CCDC171: variants seen among roughly 807,000 people sequenced by gnomAD.
CCDC171 encodes coiled-coil domain containing 171, also known as coiled-coil domain-containing protein 171.
A neutral mutation model predicts 168.2 loss-of-function variants in CCDC171; 177 were observed. The ratio of observed to expected loss-of-function variants is 1.05; its 90% CI spans 0.93 to 1.19. The LOEUF is 1.19. CCDC171 is among the 50% of genes most tolerant of loss of function. The probability of loss-of-function intolerance (pLI) is 0.00; values close to 1 mark genes in which losing one functional copy is unlikely to be tolerated. For missense variants in CCDC171, 1,991 were observed against 1,539.0 expected, an observed-to-expected ratio of 1.29 and a Z score of -4.91; for synonymous variants, 687 against 540.8, an observed-to-expected ratio of 1.27 and a Z score of -3.75.
At chr9:15,913,945 C>T (rs2131880254) in intron 24 of CCDC171, among the ~76,000 whole-genome samples, 1 of 152,298 alleles carries the variant, frequency 6.6e-6, no homozygotes, top group Non-Finnish European at 1.5e-5. Flanking sequence ...CACTCCAGAC[C>T]CTGTTTGCCT....
At chr9:15,684,016 C>G (rs2050214651) in intron 10 of CCDC171, among the ~76,000 whole-genome samples, 1 of 151,986 alleles carries the variant, frequency 6.6e-6, no homozygotes, top group Non-Finnish European at 1.5e-5. Context: ...GACTAGCTAT[C>G]ATTAATATGA....
intron 2 of CCDC171, among the ~76,000 whole-genome samples, chr9:15,565,084 C>G (rs546294351): frequency 5.2e-5 from 7 of 135,764 alleles, no homozygotes; most frequent in Admixed American, 1.6e-4. Context: ...ACCCACCCCC[C>G]ACTTTTTTTT....
the CCDC171 span, among the ~76,000 whole-genome samples, chr9:16,090,529 A>T: frequency 5.9e-5 from 9 of 152,230 alleles, no homozygotes; most frequent in African/African-American, 2.2e-4. Flanking sequence ...ACAAACCTGC[A>T]CGTTCTGCAT....
At chr9:15,785,978 A>G (rs150307887) in intron 21 of CCDC171, among the ~76,000 whole-genome samples, 1,542 of 152,172 alleles carry the variant, frequency 0.01, 14 homozygotes, top group Admixed American at 0.015. Flanking sequence ...TTTCAGGAAA[A>G]TTAGAAAATT....
chr9:15,664,464 G>A (rs1050278304), intron 8 of CCDC171, among the ~76,000 whole-genome samples: 19 of 151,608 alleles, frequency 1.3e-4, no homozygotes, highest in East Asian at 3.9e-4. Context: ...TCCCAGGCTG[G>A]TCTCAATCTC....
Position 15,571,763 on chromosome 9 carries a change from C to G in CCDC171, c.177+4C>G. The G allele has an allele frequency of 6.4e-7, 1 of 1,562,178 alleles. No individual in the cohort carries two copies. Among genetic ancestry groups the G allele is most frequent in the Non-Finnish European group, 8.6e-7 (1 of 1,164,984 alleles). ...AACAACCAAACACAATGCAGAGGTACGATTTATTTTCCTCTCAAATAATGT... is the reference window on the plus strand; with the variant it reads ...AACAACCAAACACAATGCAGAGGTAGGATTTATTTTCCTCTCAAATAATGT... On this transcript the variant is annotated splice_donor_region_variant and intron_variant, in intron 3 of 25. Transcript: ENST00000380701.
At chr9:15,867,627 A>C (rs2131101040) in intron 23 of CCDC171, among the ~76,000 whole-genome samples, 1 of 152,184 alleles carries the variant, frequency 6.6e-6, no homozygotes, top group East Asian at 1.9e-4. Flanking sequence ...TGACCTAGCC[A>C]AGCTAAAAAT....
rs185480298 is a variant in CCDC171 at position 15,753,044 on chromosome 9, A to T, written c.2671+7413A>T. ...CTGTGTTATGTATATATTCTAGGAG[A>T]TAAAATAAAAATGTGTGAATTGGTC... is the stretch of plus-strand genomic sequence containing the variant. On this transcript the variant is annotated intron_variant, in intron 18 of 25. Transcript: ENST00000380701. Among the ~76,000 whole-genome samples the T allele has an allele frequency of 4.5e-4, 68 of 152,120 alleles. 1 individual carries two copies. In the East Asian group the frequency reaches 0.011, roughly 25 times the overall value.
At chr9:15,971,458 T>C (rs1831347186) in intron 25 of CCDC171, 151 bp from the exon 26 acceptor site, 2 of 563,644 alleles carry the variant, frequency 3.5e-6, no homozygotes, top group Admixed American at 6.4e-5. Flanking sequence ...ATTTACTATT[T>C]ATATATTCTC....
chr9:15,627,331 G>A (rs755733025), intron 7 of CCDC171, among the ~76,000 whole-genome samples: 10 of 151,746 alleles, frequency 6.6e-5, no homozygotes, highest in Non-Finnish European at 1.2e-4. Context: ...GTTCTGCTCT[G>A]TTCTTAATTT....
intron 1 of CCDC171, among the ~76,000 whole-genome samples, chr9:16,052,887 G>C (rs537798786): frequency 6.6e-6 from 1 of 151,452 alleles, no homozygotes; most frequent in Non-Finnish European, 1.5e-5. Flanking sequence ...CGGAATGTGA[G>C]TCTTTCCAGA....
intron 18 of CCDC171, among the ~76,000 whole-genome samples, chr9:15,768,871 A>G (rs141484440): frequency 9.2e-5 from 14 of 152,292 alleles, no homozygotes; most frequent in Admixed American, 2.0e-4. Flanking sequence ...CTTCATCCGC[A>G]GTATCAGCAG....
chr9:15,635,273 G>A (rs2046114555), intron 7 of CCDC171, among the ~76,000 whole-genome samples: 2 of 152,126 alleles, frequency 1.3e-5, no homozygotes, highest in African/African-American at 2.4e-5. Flanking sequence ...GAAGGCCTGA[G>A]AGCCCCTTTT....
chr9:16,011,922 C>A (rs7031840), intron 3 of CCDC171, among the ~76,000 whole-genome samples: 2 of 151,898 alleles, frequency 1.3e-5, no homozygotes, highest in African/African-American at 4.8e-5. Flanking sequence ...ACTTTGTCAC[C>A]GATACTGGGA....
At chr9:15,752,576 G>A (rs747103570) in intron 18 of CCDC171, among the ~76,000 whole-genome samples, 6 of 152,186 alleles carry the variant, frequency 3.9e-5, no homozygotes, top group African/African-American at 9.7e-5. Context: ...AAAAGGATGA[G>A]TTCATGTCCT....
chr9:15,911,596 G>A (rs149887707), intron 24 of CCDC171, among the ~76,000 whole-genome samples: 14,174 of 152,052 alleles, frequency 0.093, 1,658 homozygotes, highest in African/African-American at 0.27. Context: ...GTTGCTTTTG[G>A]TGTTTTAGTC....
downstream of CCDC171, among the ~76,000 whole-genome samples, chr9:15,978,297 T>A (rs1387395749): frequency 6.6e-6 from 1 of 152,196 alleles, no homozygotes; most frequent in African/African-American, 2.4e-5. Context: ...GAGTTCTCAT[T>A]CACAGTCACA....
intron 24 of CCDC171, among the ~76,000 whole-genome samples, chr9:15,891,729 A>G (rs1034904574): frequency 2.6e-5 from 4 of 152,216 alleles, no homozygotes; most frequent in Non-Finnish European, 5.9e-5. Flanking sequence ...TGGAATAAGT[A>G]TGTATGGAAC....
At chr9:15,832,464 C>T (rs979752369) in intron 21 of CCDC171, among the ~76,000 whole-genome samples, 3 of 152,148 alleles carry the variant, frequency 2.0e-5, no homozygotes, top group African/African-American at 7.2e-5. Flanking sequence ...CATGGTAAAG[C>T]CTGTTGCTTC....
Sources: allele counts gnomAD v4.1 joint callset (sites outside exome capture counted in the v4.1 genomes callset), GRCh38; gene constraint gnomAD v4.1.1; transcripts MANE v1.5; gene names NCBI Gene and HGNC (gene_info 2026-07-23, HGNC 2026-07-21).